PTPRD: variants seen among roughly 807,000 people sequenced by gnomAD.
The protein encoded by PTPRD is receptor-type tyrosine-protein phosphatase delta.
Under a neutral mutation model 214.5 loss-of-function variants are expected in PTPRD, and 34 were observed. The observed-to-expected ratio is 0.16, with a 90% CI of 0.12 to 0.21. The LOEUF is 0.21. Ranked by LOEUF, PTPRD falls within the 10% of genes least tolerant of loss-of-function variation. The pLI is 1.00. For synonymous variants in PTPRD, 1,128 were observed against 845.7 expected, an observed-to-expected ratio of 1.33 and a Z score of -5.79; for missense variants, 2,545 against 2,398.7, an observed-to-expected ratio of 1.06 and a Z score of -1.27.
At chr9:9,598,841 C>T (rs2093557270) in intron 7 of PTPRD, among the ~76,000 whole-genome samples, 2 of 151,956 alleles carry the variant, frequency 1.3e-5, no homozygotes, top group Admixed American at 1.3e-4. Context: ...TCTGGCTTTA[C>T]TAATTCTCAG....
rs921612350 is a variant in PTPRD, at chr9:8,803,408, T to C, written c.-103-69462A>G. Among the ~76,000 whole-genome samples the C allele has an allele frequency of 4.6e-5, 7 of 152,276 alleles. No homozygotes were observed. In the South Asian group the frequency reaches 8.3e-4, roughly 18 times the overall value. ...TTGCCGATGAGAAAATCAAACTCAA[T>C]TGGAAGCTCTTTGACACTCCCTTTA... On this transcript the variant is annotated intron_variant, in intron 11 of 45. Transcript: ENST00000381196.
At chr9:9,546,102 T>A (rs537721301) in intron 8 of PTPRD, among the ~76,000 whole-genome samples, 1 of 151,780 alleles carries the variant, frequency 6.6e-6, no homozygotes, top group South Asian at 2.1e-4. Context: ...TTCTGGTATA[T>A]AGAAATATAT....
intron 9 of PTPRD, among the ~76,000 whole-genome samples, chr9:9,391,364 G>T (rs10816118): frequency 9.9e-5 from 15 of 151,886 alleles, no homozygotes; most frequent in Admixed American, 6.6e-5. Flanking sequence ...CAAAATAAAA[G>T]AATAAAAAAT....
At chr9:8,729,008 C>T (rs1223885638) in intron 12 of PTPRD, among the ~76,000 whole-genome samples, 1 of 152,048 alleles carries the variant, frequency 6.6e-6, no homozygotes, top group African/African-American at 2.4e-5. Flanking sequence ...TTTTTTCCTG[C>T]AAGATAATTC....
intron 11 of PTPRD, among the ~76,000 whole-genome samples, chr9:8,888,123 A>G (rs942756604): frequency 6.6e-6 from 1 of 152,194 alleles, no homozygotes; most frequent in Non-Finnish European, 1.5e-5. Flanking sequence ...GCTTTCGTTA[A>G]AGAGTGCTCA....
chr9:8,597,525 G>A (rs976548531), intron 14 of PTPRD, among the ~76,000 whole-genome samples: 1 of 151,886 alleles, frequency 6.6e-6, no homozygotes, highest in African/African-American at 2.4e-5. Flanking sequence ...AAAAAAAGGA[G>A]AAAATATTTT....
At chr9:10,317,771 C>G (rs187330936) in intron 3 of PTPRD, among the ~76,000 whole-genome samples, 1 of 151,820 alleles carries the variant, frequency 6.6e-6, no homozygotes, top group African/African-American at 2.4e-5. Flanking sequence ...TCATTTGGCC[C>G]CAATGTGGTC....
chr9:9,688,442 T>C (rs2097203218), intron 7 of PTPRD, among the ~76,000 whole-genome samples: 1 of 151,866 alleles, frequency 6.6e-6, no homozygotes, highest in Non-Finnish European at 1.5e-5. Flanking sequence ...ATGTATTTGG[T>C]TCCTTCCCCT....
chr9:8,864,305 C>G (rs543732714), intron 11 of PTPRD, among the ~76,000 whole-genome samples: 1 of 152,172 alleles, frequency 6.6e-6, no homozygotes, highest in African/African-American at 2.4e-5. Flanking sequence ...TTCATTTGCA[C>G]AAGCCTGACT....
intron 31 of PTPRD, among the ~76,000 whole-genome samples, chr9:8,468,753 C>T (rs2096594316): frequency 7.6e-6 from 1 of 131,354 alleles, no homozygotes; most frequent in African/African-American, 2.8e-5. Context: ...CTGGCAGTAT[C>T]AAGCTATAGA....
chr9:8,321,477 GTGTGTGTGTGTATATA>G (rs1375913905), intron 44 of PTPRD, among the ~76,000 whole-genome samples: 81 of 75,372 alleles, frequency 1.1e-3, no homozygotes, highest in African/African-American at 2.6e-3. Flanking sequence ...GTGTGTGTGT[GTGTGTGTGTGTATATA>G]TATATATATA....
chr9:10,129,548 C>A (rs1393181174), intron 3 of PTPRD, among the ~76,000 whole-genome samples: 1 of 136,934 alleles, frequency 7.3e-6, no homozygotes, highest in African/African-American at 2.8e-5. Flanking sequence ...TTCTTGGTTC[C>A]TTCTCCATTG....
At chr9:9,881,999 C>T (rs1375001846) in intron 5 of PTPRD, among the ~76,000 whole-genome samples, 1 of 152,004 alleles carries the variant, frequency 6.6e-6, no homozygotes, top group Non-Finnish European at 1.5e-5. Flanking sequence ...TCAATTTCCA[C>T]CATGGATTGT....
intron 7 of PTPRD, among the ~76,000 whole-genome samples, chr9:9,608,404 C>T (rs1423983461): frequency 6.6e-6 from 1 of 152,088 alleles, no homozygotes; most frequent in Admixed American, 6.6e-5. Context: ...TAAATCTAGG[C>T]TGTCCAGTAA....
chr9:9,543,435 T>C (rs2078063940), intron 8 of PTPRD, among the ~76,000 whole-genome samples: 1 of 151,712 alleles, frequency 6.6e-6, no homozygotes, highest in Admixed American at 6.6e-5. Context: ...CTTCACATTA[T>C]ATCAATATCA....
chr9:9,316,062 G>A (rs10816092), intron 9 of PTPRD, among the ~76,000 whole-genome samples: 41 of 151,858 alleles, frequency 2.7e-4, no homozygotes, highest in Non-Finnish European at 4.7e-4. Flanking sequence ...CCTGTCCATA[G>A]AATCCTAAAG....
At chr9:8,793,918 G>T (rs902333712) in intron 11 of PTPRD, among the ~76,000 whole-genome samples, 1 of 152,142 alleles carries the variant, frequency 6.6e-6, no homozygotes, top group African/African-American at 2.4e-5. Flanking sequence ...AAGAGGTCTG[G>T]CTGGATTAAC....
chr9:9,290,319 C>A (rs141593634), intron 9 of PTPRD, among the ~76,000 whole-genome samples: 9 of 151,504 alleles, frequency 5.9e-5, no homozygotes, highest in African/African-American at 2.2e-4. Flanking sequence ...TGCTTCTTTG[C>A]TATTTAGTTG....
chr9:9,673,241 A>G, intron 7 of PTPRD, among the ~76,000 whole-genome samples: 1 of 151,926 alleles, frequency 6.6e-6, no homozygotes, highest in East Asian at 1.9e-4. Flanking sequence ...TTTCCCTATT[A>G]ATTTTCATTA....
Sources: gnomAD v4.1 joint callset for allele counts (sites outside exome capture counted in the v4.1 genomes callset) on GRCh38, gnomAD v4.1.1 for gene constraint, MANE v1.5 for transcripts, NCBI Gene and HGNC (gene_info 2026-07-23, HGNC 2026-07-21) for gene names.